Variants in MTMR7 observed in about 807,000 individuals in gnomAD.
MTMR7 encodes the protein myotubularin related protein 7.
A neutral mutation model predicts 81.2 loss-of-function variants in MTMR7; 76 were observed. The observed-to-expected ratio is 0.94, with a 90% CI of 0.78 to 1.13. The LOEUF is 1.13. Among genes scored for constraint, MTMR7 ranks in the 50% most tolerant of loss-of-function variants. The pLI is 0.00. For synonymous variants in MTMR7, 372 were observed against 289.8 expected, an observed-to-expected ratio of 1.28 and a Z score of -2.88; for missense variants, 1,044 against 820.0, an observed-to-expected ratio of 1.27 and a Z score of -3.34.
At position 17,297,862 on chromosome 8, in the gene MTMR7, G is replaced by A. The variant is rs961697655; in HGVS notation, c.*2000C>T. 1.3e-5 allele frequency: 2 copies of A among 151,898 alleles called. No individual in the cohort carries two copies. The highest frequency in any genetic ancestry group is 3.9e-4 in the East Asian group (2 of 5,192). The allele number at this position is 151,898 out of a possible 1,614,324, so 9.4% of individuals were successfully genotyped here. On this transcript the variant is annotated 3_prime_UTR_variant, in exon 14 of 14. Transcript: ENST00000180173. ...CTAGGTTAACTTCTAATAAGCAGACGAACATGTTACATAAATTATAATGTC... is the reference window on the plus strand; with the variant it reads ...CTAGGTTAACTTCTAATAAGCAGACAAACATGTTACATAAATTATAATGTC...
intron 1 of MTMR7, among the ~76,000 whole-genome samples, chr8:17,403,822 T>G (rs1821497625): frequency 6.6e-6 from 1 of 152,218 alleles, no homozygotes; most frequent in Non-Finnish European, 1.5e-5. Context: ...TATTTTATAT[T>G]ATTTGTAGCT....
At chr8:17,326,213 G>A (rs1334001941) in intron 7 of MTMR7, 1 of 152,126 alleles carries the variant, frequency 6.6e-6, no homozygotes, top group Admixed American at 6.6e-5. Flanking sequence ...CAGTAAGTAG[G>A]TAAAAATGGT....
chr8:17,395,898 G>T (rs1821231152), intron 1 of MTMR7, among the ~76,000 whole-genome samples: 1 of 152,148 alleles, frequency 6.6e-6, no homozygotes, highest in Non-Finnish European at 1.5e-5. Context: ...TTACAAAGGA[G>T]CCATCCAGTA....
chr8:17,399,446 C>T (rs977595437), intron 1 of MTMR7, among the ~76,000 whole-genome samples: 2 of 151,984 alleles, frequency 1.3e-5, no homozygotes, highest in Admixed American at 6.6e-5. Flanking sequence ...CTATAAAAGG[C>T]AAACTATAAA....
intron 1 of MTMR7, among the ~76,000 whole-genome samples, chr8:17,402,545 G>C (rs538487311): frequency 6.6e-6 from 1 of 152,266 alleles, no homozygotes; most frequent in South Asian, 2.1e-4. Flanking sequence ...CTTTCACTTA[G>C]CACAATGACC....
intron 7 of MTMR7, among the ~76,000 whole-genome samples, chr8:17,315,084 A>G (rs1817992044): frequency 6.6e-6 from 1 of 152,252 alleles, no homozygotes; most frequent in Admixed American, 6.5e-5. Flanking sequence ...TACAGTTTTA[A>G]TCATTAAAAG....
At chr8:17,402,610 G>C in intron 1 of MTMR7, among the ~76,000 whole-genome samples, 1 of 152,158 alleles carries the variant, frequency 6.6e-6, no homozygotes, top group Non-Finnish European at 1.5e-5. Flanking sequence ...TTTTATGCCT[G>C]AATAGTACTC....
rs74725335 is a variant in MTMR7, at chr8:17,334,358, A to C, written c.733-3076T>G. ...CTTACATAAACAAATCGCTATTACT[A>C]CATCAAATACGGTCCTCTGTCCCTT... On this transcript the variant is annotated intron_variant, in intron 6 of 13. Coordinates refer to ENST00000180173, the MANE Select transcript of MTMR7 (RefSeq NM_004686.5). Among the ~76,000 whole-genome samples the C allele has an allele frequency of 4.7e-3, 722 of 152,344 alleles. 5 individuals are homozygous for C. Among genetic ancestry groups the C allele is most frequent in the African/African-American group, 0.016 (675 of 41,576 alleles).
intron 1 of MTMR7, among the ~76,000 whole-genome samples, chr8:17,397,056 A>C (rs1218189663): frequency 6.6e-6 from 1 of 152,136 alleles, no homozygotes; most frequent in East Asian, 1.9e-4. Flanking sequence ...TCGGGCCCTG[A>C]ATAATGAGCA....
chr8:17,369,641 C>CTTTTTTTTTTTTTT (rs71212689), intron 3 of MTMR7, among the ~76,000 whole-genome samples: 4 of 106,248 alleles, frequency 3.8e-5, no homozygotes, highest in Non-Finnish European at 5.6e-5. Flanking sequence ...TTCTTTTTTT[C>CTTTTTTTTTTTTTT]TTTTTTTTTT....
intron 10 of MTMR7, among the ~76,000 whole-genome samples, chr8:17,307,392 GC>G (rs1817523705): frequency 6.6e-6 from 1 of 152,192 alleles, no homozygotes; most frequent in Non-Finnish European, 1.5e-5. Context: ...AACAACAGGT[GC>G]TGGAGAGGAT....
intron 1 of MTMR7, among the ~76,000 whole-genome samples, chr8:17,376,096 G>A (rs975897339): frequency 3.9e-5 from 6 of 152,008 alleles, no homozygotes; most frequent in East Asian, 1.9e-4. Context: ...CAACCACTCC[G>A]GCCCTAAAAA....
intron 11 of MTMR7, among the ~76,000 whole-genome samples, 183 bp downstream of exon 11, chr8:17,305,574 T>A (rs1263118018): frequency 6.6e-6 from 1 of 152,174 alleles, no homozygotes; most frequent in African/African-American, 2.4e-5. Flanking sequence ...TATTTATCTG[T>A]CAGTTGATGA....
intron 1 of MTMR7, among the ~76,000 whole-genome samples, chr8:17,406,094 T>C (rs1327689219): frequency 6.6e-6 from 1 of 152,124 alleles, no homozygotes; most frequent in Non-Finnish European, 1.5e-5. Flanking sequence ...AAAGGCTTTC[T>C]AGAAAATATA....
chr8:17,385,190 A>C (rs940036898), intron 1 of MTMR7, among the ~76,000 whole-genome samples: 1 of 152,186 alleles, frequency 6.6e-6, no homozygotes, highest in Non-Finnish European at 1.5e-5. Flanking sequence ...TTTCACGTCA[A>C]ATTGTAACCC....
chr8:17,391,067 C>T lies in MTMR7; in HGVS notation c.25-17827G>A, dbSNP rs529147563. 5.9e-4 allele frequency among the ~76,000 whole-genome samples: 90 copies of T among 152,244 alleles called. 1 individual carries two copies. Among genetic ancestry groups the T allele is most frequent in the African/African-American group, 2.0e-3 (85 of 41,542 alleles). On this transcript the variant is annotated intron_variant, in intron 1 of 13. Transcript: ENST00000180173. ...GGGTATCTGGGGAGAGCATTCCAGG[C>T]AGAGGGAACAACAAATGACAAGACC...
At chr8:17,376,387 C>A (rs1029787281) in intron 1 of MTMR7, among the ~76,000 whole-genome samples, 1 of 152,174 alleles carries the variant, frequency 6.6e-6, no homozygotes, top group African/African-American at 2.4e-5. Context: ...AGGAATAATG[C>A]TGCTATGTAC....
chr8:17,393,327 G>A (rs573239035), intron 1 of MTMR7, among the ~76,000 whole-genome samples: 2 of 152,148 alleles, frequency 1.3e-5, no homozygotes, highest in African/African-American at 2.4e-5. Flanking sequence ...CTTGGATTAG[G>A]TAATTTCTTA....
At chr8:17,343,691 G>A (rs375254924) in intron 5 of MTMR7, among the ~76,000 whole-genome samples, 2 of 152,160 alleles carry the variant, frequency 1.3e-5, no homozygotes, top group African/African-American at 4.8e-5. Context: ...GAATGTGGTC[G>A]ATAAATTAAA....
Sources: gnomAD v4.1 joint callset for allele counts (sites outside exome capture counted in the v4.1 genomes callset) on GRCh38, gnomAD v4.1.1 for gene constraint, MANE v1.5 for transcripts, NCBI Gene and HGNC (gene_info 2026-07-23, HGNC 2026-07-21) for gene names.